Variants in ENOX1 observed in about 807,000 individuals in gnomAD.
ENOX1 encodes the protein candidate growth-related and time keeping constitutive hydroquinone (NADH) oxidase.
Under a neutral mutation model 82.5 loss-of-function variants are expected in ENOX1, and 42 were observed. The ratio of observed to expected loss-of-function variants is 0.51; its 90% CI spans 0.40 to 0.66. The LOEUF is 0.66. Ranked by LOEUF, ENOX1 falls within the 30% of genes least tolerant of loss-of-function variation. The pLI, the probability that ENOX1 is intolerant of heterozygous loss-of-function variation, is 0.00. For synonymous variants in ENOX1, 271 were observed against 282.2 expected, an observed-to-expected ratio of 0.96 and a Z score of 0.40; for missense variants, 608 against 811.6, an observed-to-expected ratio of 0.75 and a Z score of 3.05.
chr13:43,492,473 A>G (rs2076653539), intron 2 of ENOX1, among the ~76,000 whole-genome samples: 1 of 152,200 alleles, frequency 6.6e-6, no homozygotes, highest in Admixed American at 6.5e-5. Context: ...TCTTGCTTAA[A>G]TTGCCAACAT....
intron 14 of ENOX1, among the ~76,000 whole-genome samples, chr13:43,239,923 T>C (rs1258716788): frequency 6.6e-6 from 1 of 152,218 alleles, no homozygotes; most frequent in Non-Finnish European, 1.5e-5. Flanking sequence ...TGTATTTATA[T>C]TGGTATTGTT....
At chr13:43,222,620 G>A (rs1291904175) in intron 16 of ENOX1, among the ~76,000 whole-genome samples, 2 of 152,148 alleles carry the variant, frequency 1.3e-5, no homozygotes, top group East Asian at 3.9e-4. Context: ...AGGGAAGGAT[G>A]GTAGCAACAA....
intron 1 of ENOX1, among the ~76,000 whole-genome samples, chr13:43,773,796 G>A (rs1951778151): frequency 6.6e-6 from 1 of 152,054 alleles, no homozygotes; most frequent in East Asian, 1.9e-4. Context: ...AGACTCCCAA[G>A]ACAGGAATGC....
chr13:43,259,986 T>A (rs2043965283), intron 14 of ENOX1, among the ~76,000 whole-genome samples: 1 of 152,232 alleles, frequency 6.6e-6, no homozygotes, highest in South Asian at 2.1e-4. Context: ...TTTTTCTTTT[T>A]TGCCTTGTTT....
rs1447568930 is a variant in ENOX1 at position 43,731,532 on chromosome 13, T to TG, written c.-285+55119_-285+55120insC. On this transcript the variant is annotated intron_variant, in intron 1 of 16. Coordinates refer to ENST00000690772, the MANE Select transcript of ENOX1 (RefSeq NM_001347969.2). Reference sequence around the variant, plus strand: ...TTGGTCCCAGTCCTGTTTTTGTTTTTTTTTTTCTTTAGGAAGAATTTGAGA... The same window carrying TG: ...TTGGTCCCAGTCCTGTTTTTGTTTTTGTTTTTTCTTTAGGAAGAATTTGAGA... 2.0e-4 allele frequency among the ~76,000 whole-genome samples: 31 copies of TG among 151,550 alleles called. No homozygotes were observed. In the East Asian group the frequency reaches 3.5e-3, roughly 17 times the overall value.
At chr13:43,782,369 C>T (rs1265448394) in intron 1 of ENOX1, among the ~76,000 whole-genome samples, 1 of 152,124 alleles carries the variant, frequency 6.6e-6, no homozygotes, top group African/African-American at 2.4e-5. Flanking sequence ...AGTACTTCTC[C>T]TAGACAAATT....
intron 2 of ENOX1, among the ~76,000 whole-genome samples, chr13:43,486,534 C>T (rs1365439079): frequency 6.6e-6 from 1 of 152,146 alleles, no homozygotes; most frequent in East Asian, 1.9e-4. Context: ...ACTTATGAGC[C>T]AAACAATAAG....
intron 2 of ENOX1, among the ~76,000 whole-genome samples, chr13:43,558,239 A>G (rs1053997847): frequency 5.9e-5 from 9 of 152,136 alleles, no homozygotes; most frequent in African/African-American, 2.2e-4. Context: ...CTGCTCCCCA[A>G]TAAGCACCTT....
intron 16 of ENOX1, among the ~76,000 whole-genome samples, chr13:43,219,351 T>G (rs1240730446): frequency 6.6e-6 from 1 of 152,204 alleles, no homozygotes; most frequent in Non-Finnish European, 1.5e-5. Flanking sequence ...TAGAGATAGA[T>G]GCCATGACTA....
chr13:43,710,699 T>C (rs1176068381), intron 1 of ENOX1, among the ~76,000 whole-genome samples: 1 of 151,908 alleles, frequency 6.6e-6, no homozygotes, highest in Non-Finnish European at 1.5e-5. Context: ...AAAAGTAAGC[T>C]GAACCAATAG....
At chr13:43,347,346 C>T (rs187767575) in intron 8 of ENOX1, among the ~76,000 whole-genome samples, 13 of 152,272 alleles carry the variant, frequency 8.5e-5, no homozygotes, top group African/African-American at 2.9e-4. Context: ...AAGCAGAATT[C>T]CATTAGCCTA....
chr13:43,630,856 T>C (rs895316754), intron 2 of ENOX1, among the ~76,000 whole-genome samples: 1 of 13,096 alleles, frequency 7.6e-5, no homozygotes, highest in Non-Finnish European at 4.1e-4. Context: ...CATATATATA[T>C]ATATACACAC....
intron 2 of ENOX1, among the ~76,000 whole-genome samples, chr13:43,610,520 C>T (rs531693650): frequency 6.6e-6 from 1 of 152,188 alleles, no homozygotes; most frequent in Non-Finnish European, 1.5e-5. Flanking sequence ...AAGTATGTCT[C>T]TCTTTATGCT....
chr13:43,586,294 T>C (rs2080978414), intron 2 of ENOX1, among the ~76,000 whole-genome samples: 1 of 152,250 alleles, frequency 6.6e-6, no homozygotes, highest in Non-Finnish European at 1.5e-5. Flanking sequence ...CACCTTTCTT[T>C]ACCTGATAAA....
intron 1 of ENOX1, among the ~76,000 whole-genome samples, chr13:43,705,716 T>C (rs1428242297): frequency 6.6e-6 from 1 of 152,012 alleles, no homozygotes. Flanking sequence ...ATTCACATAG[T>C]TGGAGATTTT....
intron 1 of ENOX1, among the ~76,000 whole-genome samples, chr13:43,765,226 A>G (rs1176443483): frequency 6.6e-6 from 1 of 152,232 alleles, no homozygotes; most frequent in Non-Finnish European, 1.5e-5. Context: ...AACCTAGTCT[A>G]AAGGAAAAAC....
chr13:43,336,260 G>A (rs1285658953), intron 9 of ENOX1, among the ~76,000 whole-genome samples: 3 of 152,180 alleles, frequency 2.0e-5, no homozygotes, highest in African/African-American at 7.2e-5. Context: ...TGTGGACGAG[G>A]ACACCAATCT....
chr13:43,502,745 C>CA (rs1386989866), intron 2 of ENOX1, among the ~76,000 whole-genome samples: 1 of 151,532 alleles, frequency 6.6e-6, no homozygotes, highest in Non-Finnish European at 1.5e-5. Context: ...CCATATGTAT[C>CA]ATCACACTCA....
At chr13:43,593,421 ACTC>A (rs903954942) in intron 2 of ENOX1, among the ~76,000 whole-genome samples, 1 of 151,754 alleles carries the variant, frequency 6.6e-6, no homozygotes, top group Non-Finnish European at 1.5e-5. Context: ...GGCAACCACA[ACTC>A]CTCCAGCTTT....
Sources: allele counts gnomAD v4.1 joint callset (sites outside exome capture counted in the v4.1 genomes callset), GRCh38; gene constraint gnomAD v4.1.1; transcripts MANE v1.5; gene names NCBI Gene and HGNC (gene_info 2026-07-23, HGNC 2026-07-21).